Variants in CERS4 observed in about 807,000 individuals in gnomAD.
CERS4 encodes the protein LAG1 homolog, ceramide synthase 4.
A neutral mutation model predicts 51.8 loss-of-function variants in CERS4; 65 were observed. That is an observed-to-expected ratio of 1.26 (90% confidence interval 1.03 to 1.54). The LOEUF is 1.54. CERS4 is among the 40% of genes most tolerant of loss of function. The pLI is 0.00. For synonymous variants in CERS4, 228 were observed against 208.4 expected (o/e 1.09, Z -0.81); for missense variants, 563 against 500.4 (o/e 1.13, Z -1.19).
At chr19:8,231,997 C>CTTTT (rs568613532) in intron 2 of CERS4, among the ~76,000 whole-genome samples, 1 of 138,730 alleles carries the variant, frequency 7.2e-6, no homozygotes, top group Non-Finnish European at 1.6e-5. Context: ...CCAGCTTTTT[C>CTTTT]TTTTTTTTTT....
intron 9 of CERS4, among the ~76,000 whole-genome samples, chr19:8,257,619 G>A (rs1191045185): frequency 6.6e-6 from 1 of 152,100 alleles, no homozygotes; most frequent in East Asian, 1.9e-4. Flanking sequence ...TAGTAGAGAT[G>A]GAGTTTCACC....
intron 2 of CERS4, among the ~76,000 whole-genome samples, chr19:8,212,949 G>A (rs535529606): frequency 4.6e-5 from 7 of 151,858 alleles, no homozygotes; most frequent in Admixed American, 2.6e-4. Flanking sequence ...CGCCCAGCCC[G>A]TCTCACTTTC....
rs989937782 is a variant in CERS4 at position 8,235,924 on chromosome 19, G to A, written c.-1-15152G>A. Among the ~76,000 whole-genome samples, 5 of 151,972 alleles carry A rather than the reference G, an allele frequency of 3.3e-5. No homozygotes were observed. The East Asian group carries it at 5.8e-4, about 18-fold the overall frequency. ...AACAAAAACAAAACAGGCCGGGCGC[G>A]GTGGCTCACGCCTGTAATCCCAGCA... is the stretch of plus-strand genomic sequence containing the variant. On this transcript the variant is annotated intron_variant, in intron 2 of 11. Transcript: ENST00000251363.
chr19:8,247,828 G>A (rs1968858111), intron 2 of CERS4, among the ~76,000 whole-genome samples: 1 of 150,334 alleles, frequency 6.7e-6, no homozygotes, highest in African/African-American at 2.4e-5. Flanking sequence ...CTGCCTCCCA[G>A]GTTCAAGTGA....
intron 2 of CERS4, among the ~76,000 whole-genome samples, chr19:8,234,670 T>C (rs2967624): frequency 0.45 from 67,649 of 149,830 alleles, 15,445 homozygotes; most frequent in Non-Finnish European, 0.48. Flanking sequence ...TCTCCTGCCT[T>C]AGCCTCTCAA....
intron 2 of CERS4, among the ~76,000 whole-genome samples, chr19:8,243,758 C>G (rs1200743672): frequency 6.6e-6 from 1 of 151,380 alleles, no homozygotes; most frequent in Non-Finnish European, 1.5e-5. Flanking sequence ...ACAAGTCCTA[C>G]CCAGGCCCCA....
intron 2 of CERS4, chr19:8,250,853 A>C: frequency 7.5e-7 from 1 of 1,340,572 alleles, no homozygotes; most frequent in Non-Finnish European, 9.5e-7. Flanking sequence ...TGACCAGGCA[A>C]TGGAGTGGGA....
chr19:8,221,696 C>A (rs1005846699), intron 2 of CERS4, among the ~76,000 whole-genome samples: 2 of 150,930 alleles, frequency 1.3e-5, no homozygotes, highest in Non-Finnish European at 3.0e-5. Context: ...CCATGCCCAG[C>A]TAATTTTTTT....
intron 2 of CERS4, among the ~76,000 whole-genome samples, chr19:8,225,417 C>CTTTTT (rs35365775): frequency 8.8e-6 from 1 of 113,884 alleles, no homozygotes; most frequent in African/African-American, 3.5e-5. Flanking sequence ...TCCAATAATT[C>CTTTTT]TTTTTTTTTT....
intron 2 of CERS4, among the ~76,000 whole-genome samples, chr19:8,234,836 G>A (rs192223778): frequency 1.3e-5 from 2 of 151,262 alleles, no homozygotes; most frequent in Admixed American, 1.3e-4. Context: ...TTACAGGCAT[G>A]AGCCACCACG....
intron 2 of CERS4, among the ~76,000 whole-genome samples, chr19:8,216,378 TG>T (rs989695263): frequency 1.4e-5 from 2 of 144,902 alleles, no homozygotes; most frequent in East Asian, 4.0e-4. Flanking sequence ...GATTTTGTCT[TG>T]GAAAAAAAAA....
At position 8,217,720 on chromosome 19, in the gene CERS4, G is replaced by T. The variant is rs897300203; in HGVS notation, c.-2+6858G>T. ...CCTGGCTATTTTTTTTGTATTTTTA[G>T]TAGAGACGGGGTTTCACCCTGTTAG... On this transcript the variant is annotated intron_variant, in intron 2 of 11. Transcript: ENST00000251363. Among the ~76,000 whole-genome samples the T allele has an allele frequency of 3.9e-5, 6 of 152,020 alleles. No individual in the cohort carries two copies. In the South Asian group the frequency reaches 6.2e-4, roughly 16 times the overall value.
chr19:8,256,798 G>T, intron 8 of CERS4, 88 bp downstream of exon 8: 1 of 1,570,870 alleles, frequency 6.4e-7, no homozygotes. Flanking sequence ...ACCGCACCTT[G>T]AGAGCTCCCT....
chr19:8,251,167 C>G lies in CERS4; in HGVS notation c.91C>G (p.Arg31Gly), dbSNP rs151158244. ...TWTELEDRDG[R>G]VYPHPQDLLA... ...GACAGAGCTAGAAGACCGGGATGGC[C>G]GTGTCTACCCCCACCCCCAGGACTT... The change falls in exon 3 of 12, where the codon CGT (arginine) becomes GGT (glycine). Residue 31 changes from arginine to glycine, a missense_variant. Transcript: ENST00000251363. 17 of 1,613,598 alleles carry G rather than the reference C, an allele frequency of 1.1e-5. No homozygotes were observed. Among genetic ancestry groups the G allele is most frequent in the Non-Finnish European group, 1.1e-5 (13 of 1,179,840 alleles).
In CERS4 at chr19:8,261,966, G is replaced by C; in HGVS notation, c.1042G>C (p.Asp348His). ...CATTCGTAGTGATGTAGAAGAATCA[G>C]ACTCCAGTGAGGAGGCGGCGGCGGC... is the stretch of plus-strand genomic sequence containing the variant. Reference protein sequence around the residue: ...KDIRSDVEESDSSEEAAAAQE... With the variant: ...KDIRSDVEESHSSEEAAAAQE... Residue 348 changes from aspartate to histidine, a missense_variant, in exon 12 of 12, where the codon GAC (aspartate) becomes CAC (histidine). By Grantham distance (81) the Asp-to-His change is moderately conservative. Transcript: ENST00000251363. 1 of 1,604,904 alleles carries C rather than the reference G, an allele frequency of 6.2e-7. No homozygotes were observed. The highest frequency in any genetic ancestry group is 1.1e-5 in the South Asian group (1 of 90,076).
At chr19:8,218,955 C>G (rs942592953) in intron 2 of CERS4, among the ~76,000 whole-genome samples, 1 of 152,116 alleles carries the variant, frequency 6.6e-6, no homozygotes, top group Non-Finnish European at 1.5e-5. Context: ...GCCTGTAATC[C>G]CAGCACTTTG....
intron 2 of CERS4, among the ~76,000 whole-genome samples, chr19:8,211,919 A>C (rs1414565745): frequency 2.0e-5 from 3 of 147,114 alleles, no homozygotes; most frequent in Non-Finnish European, 4.5e-5. Context: ...AAAAATTCAG[A>C]GTCATGCCTG....
intron 3 of CERS4, among the ~76,000 whole-genome samples, chr19:8,252,214 C>CA (rs1314656969): frequency 6.6e-6 from 1 of 151,948 alleles, no homozygotes; most frequent in South Asian, 2.1e-4. Context: ...ACTAAAAGTA[C>CA]AAAAAATTAG....
chr19:8,261,788 GTGTTC>G lies in CERS4; in HGVS notation c.952_956del (p.Phe318ValfsTer10), dbSNP rs772147508. On this transcript the variant is annotated frameshift_variant, in exon 11 of 12. Transcript: ENST00000251363. LOFTEE classifies it high-confidence loss of function. ...TCTGATGTTGCTGCAGCTGCTGCAC[GTGTTC>G]TGGTCTTGCCTCATTCTGCGCATGC... is the stretch of plus-strand genomic sequence containing the variant. The G allele has an allele frequency of 1.2e-6, 2 of 1,614,178 alleles. No homozygotes were observed. Among genetic ancestry groups the G allele is most frequent in the South Asian group, 2.2e-5 (2 of 91,084 alleles).
Sources: gnomAD v4.1 joint callset for allele counts (sites outside exome capture counted in the v4.1 genomes callset) on GRCh38, gnomAD v4.1.1 for gene constraint, MANE v1.5 for transcripts, NCBI Gene and HGNC (gene_info 2026-07-23, HGNC 2026-07-21) for gene names.